Variants in PARD6G observed in about 807,000 individuals in gnomAD.
PARD6G encodes the protein par-6 family cell polarity regulator gamma, also known as partitioning defective 6 homolog gamma.
A neutral mutation model predicts 10.7 loss-of-function variants in PARD6G; 7 were observed. The ratio of observed to expected loss-of-function variants is 0.66; its 90% CI spans 0.37 to 1.23. The LOEUF (loss-of-function observed/expected upper bound fraction) is 1.23. PARD6G is among the 50% of genes most tolerant of loss of function. The pLI is 0.02. For missense variants in PARD6G, 548 were observed against 571.8 expected, an observed-to-expected ratio of 0.96 and a Z score of 0.42; for synonymous variants, 287 against 269.4, an observed-to-expected ratio of 1.07 and a Z score of -0.64.
At chr18:80,243,945 G>A (rs1289062508) in intron 1 of PARD6G, among the ~76,000 whole-genome samples, 1 of 152,140 alleles carries the variant, frequency 6.6e-6, no homozygotes, top group Non-Finnish European at 1.5e-5. Context: ...GCGGGGATGA[G>A]CTGTGTTTCT....
In PARD6G at chr18:80,160,282, G is replaced by T; in HGVS notation, c.620C>A (p.Thr207Asn). The T allele has an allele frequency of 1.2e-6, 2 of 1,612,062 alleles. No homozygotes were observed. Among genetic ancestry groups the T allele is most frequent in the South Asian group, 1.1e-5 (1 of 91,048 alleles). The stretch of plus-strand genomic sequence containing the variant: ...CTCGTCATTCACAGCCAGCAGCCCG[G>T]TGCTCTCCGCCAGGCCCCCGGGTAC... ...RMVPGGLAES[T>N]GLLAVNDEVL... The change falls in exon 3 of 3, where the codon ACC (threonine) becomes AAC (asparagine). Residue 207 changes from threonine to asparagine, a missense_variant. Physicochemically the swap from Thr to Asn is moderately conservative, Grantham distance 65. Coordinates refer to ENST00000353265, the MANE Select transcript of PARD6G (RefSeq NM_032510.4).
intron 1 of PARD6G, among the ~76,000 whole-genome samples, chr18:80,222,830 C>T (rs1967247393): frequency 6.6e-6 from 1 of 152,150 alleles, no homozygotes; most frequent in Non-Finnish European, 1.5e-5. Context: ...CACGCCACCA[C>T]ATCTGGCTAA....
chr18:80,168,373 T>C (rs1218131332), intron 2 of PARD6G, among the ~76,000 whole-genome samples: 1 of 152,184 alleles, frequency 6.6e-6, no homozygotes, highest in Non-Finnish European at 1.5e-5. Flanking sequence ...AAATTTGTTT[T>C]AAAGAATACC....
At chr18:80,211,098 G>T (rs1351033786) in intron 1 of PARD6G, among the ~76,000 whole-genome samples, 2 of 152,024 alleles carry the variant, frequency 1.3e-5, no homozygotes, top group Non-Finnish European at 2.9e-5. Context: ...AAAGCCATCT[G>T]TATTTTTAGG....
chr18:80,215,117 A>G (rs976706021), intron 1 of PARD6G, among the ~76,000 whole-genome samples: 3 of 152,210 alleles, frequency 2.0e-5, no homozygotes, highest in Non-Finnish European at 4.4e-5. Context: ...ATATCCGGCT[A>G]AGCTATCCTT....
chr18:80,177,301 C>T (rs547108665), intron 2 of PARD6G, among the ~76,000 whole-genome samples: 7 of 146,268 alleles, frequency 4.8e-5, no homozygotes, highest in Non-Finnish European at 7.5e-5. Flanking sequence ...CACACACACA[C>T]GGGATAAATC....
intron 1 of PARD6G, among the ~76,000 whole-genome samples, chr18:80,220,822 G>A (rs1967220156): frequency 6.6e-6 from 1 of 151,908 alleles, no homozygotes; most frequent in Non-Finnish European, 1.5e-5. Flanking sequence ...TGTTGTCCAG[G>A]CTCCAGGCTG....
At chr18:80,234,936 T>G (rs966603235) in intron 1 of PARD6G, among the ~76,000 whole-genome samples, 3 of 151,412 alleles carry the variant, frequency 2.0e-5, no homozygotes, top group Admixed American at 2.0e-4. Context: ...ACTGTCAACA[T>G]TAGACAGATC....
intron 1 of PARD6G, among the ~76,000 whole-genome samples, chr18:80,214,846 C>T (rs971409982): frequency 6.6e-6 from 1 of 152,000 alleles, no homozygotes; most frequent in Admixed American, 6.5e-5. Context: ...AAAAATTAAT[C>T]TATATATTTT....
chr18:80,208,750 A>T (rs1967079623), intron 1 of PARD6G, among the ~76,000 whole-genome samples: 1 of 152,120 alleles, frequency 6.6e-6, no homozygotes, highest in African/African-American at 2.4e-5. Flanking sequence ...TAAAAAAAAA[A>T]ATCAAATTTC....
chr18:80,202,946 G>A lies in PARD6G; in HGVS notation c.73-14C>T, dbSNP rs1967022983. 1 of 438,146 alleles carries A rather than the reference G, an allele frequency of 2.3e-6. No individual in the cohort carries two copies. The highest frequency in any genetic ancestry group is 1.7e-5 in the South Asian group (1 of 59,368). 27.1% of individuals were successfully genotyped at this position (438,146 alleles called of 1,614,324 possible). A position where few individuals can be genotyped will look rare whatever the true frequency, so the allele number is the denominator to read the frequency against. Reference sequence around the variant, plus strand: ...TTCCGCCCCAAACTACAATGCAAGAGACGGGGTGGGGGGAGGGGCATTAAT... The same window carrying A: ...TTCCGCCCCAAACTACAATGCAAGAAACGGGGTGGGGGGAGGGGCATTAAT... On this transcript the variant is annotated splice_polypyrimidine_tract_variant and intron_variant, in intron 1 of 2. Transcript: ENST00000353265.
intron 2 of PARD6G, among the ~76,000 whole-genome samples, chr18:80,196,820 G>A (rs1478241798): frequency 1.3e-5 from 2 of 149,406 alleles, no homozygotes; most frequent in Admixed American, 6.7e-5. Flanking sequence ...CTACTCTAGC[G>A]TGAACGCGGC....
intron 1 of PARD6G, among the ~76,000 whole-genome samples, chr18:80,224,861 G>A (rs957260174): frequency 6.6e-6 from 1 of 151,466 alleles, no homozygotes; most frequent in Non-Finnish European, 1.5e-5. Flanking sequence ...AAAAAAGAAA[G>A]TGACAGTCCA....
At chr18:80,214,383 A>T (rs1038432580) in intron 1 of PARD6G, among the ~76,000 whole-genome samples, 2 of 152,086 alleles carry the variant, frequency 1.3e-5, no homozygotes, top group Non-Finnish European at 2.9e-5. Context: ...GGAGAATGGC[A>T]TGAACCCGGG....
At chr18:80,216,514 T>A (rs904876159) in intron 1 of PARD6G, among the ~76,000 whole-genome samples, 1 of 151,862 alleles carries the variant, frequency 6.6e-6, no homozygotes, top group African/African-American at 2.4e-5. Flanking sequence ...TACCCCTAAA[T>A]AACCTATGGA....
chr18:80,242,083 T>C (rs1320220994), intron 1 of PARD6G, among the ~76,000 whole-genome samples: 1 of 152,132 alleles, frequency 6.6e-6, no homozygotes, highest in Non-Finnish European at 1.5e-5. Context: ...TGGAAGGCCA[T>C]CAGAGTCTCC....
At chr18:80,203,228 G>A (rs1351431342) in intron 1 of PARD6G, among the ~76,000 whole-genome samples, 1 of 152,112 alleles carries the variant, frequency 6.6e-6, no homozygotes, top group Non-Finnish European at 1.5e-5. Context: ...ATCTCATACT[G>A]TTTGCTACAG....
intron 1 of PARD6G, among the ~76,000 whole-genome samples, chr18:80,245,923 T>TACCC (rs1967539907): frequency 6.6e-6 from 1 of 152,108 alleles, no homozygotes; most frequent in African/African-American, 2.4e-5. Context: ...AAAGACCGTG[T>TACCC]ACCCCTAAGC....
chr18:80,159,718 G>T lies in PARD6G; in HGVS notation c.*53C>A. On this transcript the variant is annotated 3_prime_UTR_variant, in exon 3 of 3. Coordinates refer to ENST00000353265, the MANE Select transcript of PARD6G (RefSeq NM_032510.4). ...TGAGCGGATGCAGTCTGCAGGTCCT[G>T]TCCCTGTCCTTACCGGGGAACTGGA... The T allele has an allele frequency of 7.4e-7, 1 of 1,355,324 alleles. No homozygotes were observed. The highest frequency in any genetic ancestry group is 9.5e-7 in the Non-Finnish European group (1 of 1,051,826). 84.0% of individuals were successfully genotyped at this position (1,355,324 alleles called of 1,614,324 possible).
Sources: allele counts gnomAD v4.1 joint callset (sites outside exome capture counted in the v4.1 genomes callset), GRCh38; gene constraint gnomAD v4.1.1; transcripts MANE v1.5; gene names NCBI Gene and HGNC (gene_info 2026-07-23, HGNC 2026-07-21).